ART3: variants seen among roughly 807,000 people sequenced by gnomAD.
ART3 encodes the protein ADP-ribosyltransferase 3 (inactive).
Under a neutral mutation model 48.5 loss-of-function variants are expected in ART3, and 49 were observed. That is an observed-to-expected ratio of 1.01 (90% CI 0.80 to 1.28). ART3 has a LOEUF of 1.28. Among genes scored for constraint, ART3 ranks in the 50% most tolerant of loss-of-function variants. ART3 has a pLI of 0.00. For synonymous variants in ART3, 145 were observed against 157.2 expected (o/e 0.92, Z 0.58); for missense variants, 438 against 454.3 (o/e 0.96, Z 0.33).
At chr4:76,068,981 T>G (rs553313900) in intron 1 of ART3, among the ~76,000 whole-genome samples, 1 of 152,358 alleles carries the variant, frequency 6.6e-6, no homozygotes, top group Admixed American at 6.5e-5. Flanking sequence ...TGTGTACAGA[T>G]TTGTGCAACC....
chr4:76,090,563 C>T (rs1441920972), intron 3 of ART3, among the ~76,000 whole-genome samples: 2 of 152,126 alleles, frequency 1.3e-5, no homozygotes, highest in Admixed American at 6.6e-5. Context: ...GTCCAGACTG[C>T]GTCTAATGTT....
At chr4:76,096,527 C>T (rs4440243) in intron 3 of ART3, among the ~76,000 whole-genome samples, 103,563 of 152,114 alleles carry the variant, frequency 0.68, 37,019 homozygotes, top group East Asian at 0.98. Context: ...AGTGTGTTCG[C>T]CAGGTATGAA....
chr4:76,092,460 T>C (rs1725110978), intron 3 of ART3, among the ~76,000 whole-genome samples: 1 of 152,222 alleles, frequency 6.6e-6, no homozygotes, highest in South Asian at 2.1e-4. Context: ...TGTTCCTCTG[T>C]TGTTTTACTT....
intron 8 of ART3, among the ~76,000 whole-genome samples, chr4:76,102,665 T>A (rs1727599344): frequency 6.6e-6 from 1 of 151,610 alleles, no homozygotes; most frequent in African/African-American, 2.4e-5. Context: ...TAATATTAAC[T>A]TTTAAAAATG....
intron 5 of ART3, among the ~76,000 whole-genome samples, chr4:76,099,814 A>C (rs1726864548): frequency 6.6e-6 from 1 of 152,266 alleles, no homozygotes; most frequent in African/African-American, 2.4e-5. Context: ...TGTGGCTACA[A>C]TAAATTTTTC....
At chr4:76,020,114 C>CT (rs572701495) in intron 1 of ART3, among the ~76,000 whole-genome samples, 15,202 of 144,946 alleles carry the variant, frequency 0.1, 920 homozygotes, top group African/African-American at 0.17. Context: ...CTTCTGTTTC[C>CT]TTTTTTTTTT....
chr4:76,053,745 G>C (rs867316974), intron 1 of ART3, among the ~76,000 whole-genome samples: 1 of 152,182 alleles, frequency 6.6e-6, no homozygotes, highest in Non-Finnish European at 1.5e-5. Flanking sequence ...TCATTGAATA[G>C]ACTAACCCTC....
rs1724822556 is a variant in ART3 at position 76,091,250 on chromosome 4, G to A, written c.782-6394G>A. On this transcript the variant is annotated intron_variant, in intron 3 of 11. Coordinates refer to ENST00000355810, the MANE Select transcript of ART3 (RefSeq NM_001130016.3). The stretch of plus-strand genomic sequence containing the variant: ...ATGGACATATGCTTTCATTACACTT[G>A]AGTAAATGCCTAGGAATGCATTGGC... Among the ~76,000 whole-genome samples the A allele has an allele frequency of 2.0e-5, 3 of 152,286 alleles. No individual in the cohort carries two copies. In the South Asian group the frequency reaches 6.2e-4, roughly 32 times the overall value.
rs1728091745 is a variant in ART3 at position 76,104,704 on chromosome 4, A to G, written c.1003+75A>G. The G allele has an allele frequency of 2.0e-6, 3 of 1,497,852 alleles. No homozygotes were observed. The South Asian group carries it at 3.6e-5, about 18-fold the overall frequency. The allele number at this position is 1,497,852 out of a possible 1,614,324, so 92.8% of individuals were successfully genotyped here. ...ACAGTCACCATTAGATATGCATGGG[A>G]CTTTCTATGCCTCATAATTGTCATC... On this transcript the variant is annotated intron_variant, in intron 10 of 11. Coordinates refer to ENST00000355810, the MANE Select transcript of ART3 (RefSeq NM_001130016.3).
upstream of ART3, among the ~76,000 whole-genome samples, chr4:76,072,218 T>A (rs1720388424): frequency 6.6e-6 from 1 of 152,256 alleles, no homozygotes; most frequent in African/African-American, 2.4e-5. Context: ...TAAATTGATA[T>A]CTTTATAGAT....
At chr4:76,108,993 G>A (rs1045512362) in intron 11 of ART3, among the ~76,000 whole-genome samples, 4 of 152,038 alleles carry the variant, frequency 2.6e-5, no homozygotes, top group Non-Finnish European at 4.4e-5. Flanking sequence ...GGTGTTGAGC[G>A]GATGTGAAGG....
intron 2 of ART3, among the ~76,000 whole-genome samples, chr4:76,080,181 A>T (rs1722144742): frequency 6.6e-6 from 1 of 152,186 alleles, no homozygotes; most frequent in African/African-American, 2.4e-5. Context: ...TTGATCCATA[A>T]GCCAGAGTAC....
intron 1 of ART3, among the ~76,000 whole-genome samples, chr4:76,032,600 T>C (rs1733972279): frequency 1.1e-5 from 1 of 88,628 alleles, no homozygotes. Flanking sequence ...TTTTTTTTTT[T>C]TGAGGTGCAG....
At chr4:76,102,366 T>C (rs1727522382) in intron 8 of ART3, among the ~76,000 whole-genome samples, 2 of 152,156 alleles carry the variant, frequency 1.3e-5, no homozygotes, top group Non-Finnish European at 2.9e-5. Flanking sequence ...TTAGTTTAGA[T>C]GATGTGGAAC....
chr4:76,022,298 A>G lies in ART3; in HGVS notation c.-10+10978A>G, dbSNP rs561249101. 1.7e-5 allele frequency: 22 copies of G among 1,279,150 alleles called. No homozygotes were observed. In the East Asian group the frequency reaches 5.1e-4, roughly 29 times the overall value. The allele number at this position is 1,279,150 out of a possible 1,614,324, so 79.2% of individuals were successfully genotyped here. A position where few individuals can be genotyped will look rare whatever the true frequency, so the allele number is the denominator to read the frequency against. On this transcript the variant is annotated intron_variant, in intron 1 of 9. Transcript: ENST00000341029. ...CGATTGCACAGCAAACCACAATGCA[A>G]GTATTTCTGACTCCCAAGATTGCCG...
chr4:76,088,582 G>T (rs531609683), intron 3 of ART3, among the ~76,000 whole-genome samples: 2 of 152,264 alleles, frequency 1.3e-5, no homozygotes, highest in South Asian at 4.2e-4. Flanking sequence ...TAAATGTTAA[G>T]TATCTCCATT....
At chr4:76,078,870 G>A (rs1168406473) in intron 2 of ART3, among the ~76,000 whole-genome samples, 1 of 152,110 alleles carries the variant, frequency 6.6e-6, no homozygotes, top group East Asian at 1.9e-4. Context: ...CACGAGGTCG[G>A]GAGATCGAGA....
At chr4:76,030,900 T>C (rs1460531778) in intron 1 of ART3, among the ~76,000 whole-genome samples, 1 of 152,192 alleles carries the variant, frequency 6.6e-6, no homozygotes, top group East Asian at 1.9e-4. Context: ...TTGTTTCTGC[T>C]TTCTGGCTGT....
At chr4:76,016,746 G>A (rs1035248909) in intron 1 of ART3, among the ~76,000 whole-genome samples, 1 of 152,110 alleles carries the variant, frequency 6.6e-6, no homozygotes, top group East Asian at 1.9e-4. Flanking sequence ...TATCTCCCTG[G>A]TGCTCTATTC....
Sources: gnomAD v4.1 joint callset for allele counts (sites outside exome capture counted in the v4.1 genomes callset) on GRCh38, gnomAD v4.1.1 for gene constraint, MANE v1.5 for transcripts, NCBI Gene and HGNC (gene_info 2026-07-23, HGNC 2026-07-21) for gene names.